Variants in BRINP3 observed in about 807,000 individuals in gnomAD.
BRINP3 encodes BMP/retinoic acid inducible neural specific 3.
Under a neutral mutation model 71.0 loss-of-function variants are expected in BRINP3, and 19 were observed. That is an observed-to-expected ratio of 0.27 (90% CI 0.19 to 0.39). BRINP3 has a LOEUF of 0.39. Ranked by LOEUF, BRINP3 falls within the 10% of genes least tolerant of loss-of-function variation. The probability of loss-of-function intolerance (pLI) is 1.00; values close to 1 mark genes in which losing one functional copy is unlikely to be tolerated. For synonymous variants in BRINP3, 380 were observed against 337.7 expected, an observed-to-expected ratio of 1.13 and a Z score of -1.37; for missense variants, 959 against 940.8, an observed-to-expected ratio of 1.02 and a Z score of -0.25.
rs1227375142 is a variant in BRINP3, at chr1:190,098,280, A to T, written c.2039T>A (p.Ile680Asn). The T allele has an allele frequency of 6.2e-7, 1 of 1,614,182 alleles. No homozygotes were observed. Among genetic ancestry groups the T allele is most frequent in the Admixed American group, 1.7e-5 (1 of 60,016 alleles). ...GYSMHFDPEAIRDLILQLDYP... is the reference protein window; with the variant it reads ...GYSMHFDPEANRDLILQLDYP... ...GTCCAGCTGCAAAATCAGGTCCCGAATTGCTTCAGGGTCAAAGTGCATGCT... is the reference window on the plus strand; with the variant it reads ...GTCCAGCTGCAAAATCAGGTCCCGATTTGCTTCAGGGTCAAAGTGCATGCT... Residue 680 changes from isoleucine (I) to asparagine (N), a missense_variant, in exon 8 of 8, where the codon ATT (isoleucine) becomes AAT (asparagine). Ile to Asn is a moderately radical substitution (Grantham distance 149, BLOSUM62 -3). Coordinates refer to ENST00000367462, the MANE Select transcript of BRINP3 (RefSeq NM_199051.3).
At chr1:190,412,721 C>T (rs1163591009) in intron 2 of BRINP3, among the ~76,000 whole-genome samples, 1 of 151,784 alleles carries the variant, frequency 6.6e-6, no homozygotes, top group Admixed American at 6.6e-5. Context: ...CTCGGCCTCC[C>T]AAAGTGCTGG....
At chr1:190,418,049 A>C (rs990497095) in intron 2 of BRINP3, among the ~76,000 whole-genome samples, 1 of 152,208 alleles carries the variant, frequency 6.6e-6, no homozygotes, top group Non-Finnish European at 1.5e-5. Flanking sequence ...TCTGCTGGGC[A>C]TCTAGTTCTG....
chr1:190,437,139 T>G (rs1369174129), intron 2 of BRINP3, among the ~76,000 whole-genome samples: 1 of 151,790 alleles, frequency 6.6e-6, no homozygotes, highest in Non-Finnish European at 1.5e-5. Context: ...ATGACTTCAA[T>G]GGATTTTTTC....
chr1:190,346,256 T>C (rs1668015644), intron 2 of BRINP3, among the ~76,000 whole-genome samples: 1 of 151,926 alleles, frequency 6.6e-6, no homozygotes, highest in Admixed American at 6.6e-5. Context: ...TGCCAAAATA[T>C]ATAATCAAAA....
chr1:190,281,223 C>T (rs1236145346), intron 3 of BRINP3, among the ~76,000 whole-genome samples: 1 of 151,878 alleles, frequency 6.6e-6, no homozygotes, highest in Non-Finnish European at 1.5e-5. Flanking sequence ...CTCTCTATAA[C>T]TAGAATTGAT....
At chr1:190,472,336 C>A (rs1451679134) in intron 1 of BRINP3, among the ~76,000 whole-genome samples, 1 of 151,516 alleles carries the variant, frequency 6.6e-6, no homozygotes, top group Non-Finnish European at 1.5e-5. Context: ...TTCCCAATAA[C>A]CCTTTATTAC....
At chr1:190,340,691 A>G (rs1667596908) in intron 2 of BRINP3, among the ~76,000 whole-genome samples, 1 of 151,666 alleles carries the variant, frequency 6.6e-6, no homozygotes, top group Non-Finnish European at 1.5e-5. Context: ...TGCATACTAG[A>G]ATAGAACCTT....
chr1:190,430,379 G>C (rs1234209099), intron 2 of BRINP3, among the ~76,000 whole-genome samples: 1 of 152,062 alleles, frequency 6.6e-6, no homozygotes, highest in Admixed American at 6.6e-5. Flanking sequence ...ATAGAACACA[G>C]GTCACCAGAA....
intron 2 of BRINP3, among the ~76,000 whole-genome samples, chr1:190,351,824 T>C (rs896886878): frequency 1.2e-4 from 19 of 152,124 alleles, no homozygotes; most frequent in African/African-American, 4.6e-4. Flanking sequence ...ATTTTCACCA[T>C]TTCTAAGATG....
intron 2 of BRINP3, among the ~76,000 whole-genome samples, chr1:190,286,522 C>A (rs1663436934): frequency 6.6e-6 from 1 of 151,954 alleles, no homozygotes; most frequent in Non-Finnish European, 1.5e-5. Flanking sequence ...GATTAAATAC[C>A]AATGAAAAAG....
At position 190,454,864 on chromosome 1, in the gene BRINP3, A is replaced by G. The variant is rs745834895; in HGVS notation, c.27T>C (p.Ala9=). 1 of 1,614,164 alleles carries G rather than the reference A, an allele frequency of 6.2e-7. No homozygotes were observed. The highest frequency in any genetic ancestry group is 8.5e-7 in the Non-Finnish European group (1 of 1,179,998). Residue 9 remains alanine, a synonymous_variant, in exon 2 of 8, where the codon GCT becomes GCC. Transcript: ENST00000367462. ...ATAGAGCCATCAGAGAGAACAATTC[A>G]GCACCAGCTCTGCTTCGCCATATCA... MIWRSRAG[A]ELFSLMALWE...
chr1:190,117,459 G>A (rs1653242330), intron 7 of BRINP3, among the ~76,000 whole-genome samples: 1 of 151,856 alleles, frequency 6.6e-6, no homozygotes, highest in Non-Finnish European at 1.5e-5. Context: ...TCTACTTGAG[G>A]ACCCAGGTAT....
intron 2 of BRINP3, among the ~76,000 whole-genome samples, chr1:190,357,053 G>C (rs750851352): frequency 6.6e-6 from 1 of 151,892 alleles, no homozygotes; most frequent in Non-Finnish European, 1.5e-5. Flanking sequence ...TTGGCATACT[G>C]ATGTTCCCCC....
chr1:190,348,197 A>T, intron 2 of BRINP3, among the ~76,000 whole-genome samples: 1 of 152,158 alleles, frequency 6.6e-6, no homozygotes, highest in Non-Finnish European at 1.5e-5. Flanking sequence ...CTCCCCATGG[A>T]CCTAAAATTT....
chr1:190,121,064 G>A (rs546477265), intron 7 of BRINP3, among the ~76,000 whole-genome samples: 161 of 152,146 alleles, frequency 1.1e-3, no homozygotes, highest in Non-Finnish European at 2.0e-3. Flanking sequence ...AAGTGAAAAT[G>A]CCAAAAAATA....
intron 2 of BRINP3, among the ~76,000 whole-genome samples, chr1:190,343,614 T>C (rs1428257393): frequency 1.3e-5 from 2 of 151,700 alleles, no homozygotes; most frequent in Non-Finnish European, 3.0e-5. Flanking sequence ...ATCATTACAA[T>C]AATAAAAACC....
At chr1:190,337,073 A>C (rs576673863) in intron 2 of BRINP3, among the ~76,000 whole-genome samples, 1 of 152,134 alleles carries the variant, frequency 6.6e-6, no homozygotes, top group African/African-American at 2.4e-5. Flanking sequence ...GATCCAAGTG[A>C]GAAATCAGTC....
At chr1:190,348,757 G>C (rs1176826020) in intron 2 of BRINP3, among the ~76,000 whole-genome samples, 1 of 152,080 alleles carries the variant, frequency 6.6e-6, no homozygotes, top group Non-Finnish European at 1.5e-5. Context: ...ACCCAGAGTA[G>C]GCAATTTGTA....
intron 2 of BRINP3, among the ~76,000 whole-genome samples, chr1:190,452,000 T>A (rs1255271555): frequency 6.6e-6 from 1 of 152,242 alleles, no homozygotes; most frequent in Non-Finnish European, 1.5e-5. Flanking sequence ...AATGTGTTGA[T>A]GATAGTAATA....
Sources: allele counts gnomAD v4.1 joint callset (sites outside exome capture counted in the v4.1 genomes callset), GRCh38; gene constraint gnomAD v4.1.1; transcripts MANE v1.5; gene names NCBI Gene and HGNC (gene_info 2026-07-23, HGNC 2026-07-21).